Variants in KISS1 observed in about 807,000 individuals in gnomAD.
KISS1 encodes metastasis-suppressor KiSS-1.
For missense variants in KISS1, 182 were observed against 182.7 expected, an observed-to-expected ratio of 1.00 and a Z score of 0.02; for synonymous variants, 97 against 88.7, an observed-to-expected ratio of 1.09 and a Z score of -0.52.
Position 204,190,518 on chromosome 1 carries a change from G to A in KISS1, c.383C>T (p.Pro128Leu). ...GLRFGKREAAPGNHGRSAGRG is the reference protein window; with the variant it reads ...GLRFGKREAALGNHGRSAGRG ...CCCAGCGCTTCTGCCGTGGTTCCCT[G>A]GTGCCGCCTCCCGCTTGCCGAAGCG... The change falls in exon 3 of 3, where the codon CCA (proline) becomes CTA (leucine). Residue 128 changes from proline (P) to leucine (L), a missense_variant. By Grantham distance (98) the Pro-to-Leu change is moderately conservative (BLOSUM62 -3). Coordinates refer to ENST00000367194, the MANE Select transcript of KISS1 (RefSeq NM_002256.4). 6.2e-7 allele frequency: 1 copy of A among 1,607,120 alleles called. No individual in the cohort carries two copies. The highest frequency in any genetic ancestry group is 2.2e-5 in the East Asian group (1 of 44,720).
chr1:204,195,281 A>ACATG (rs1658828135), intron 1 of KISS1, among the ~76,000 whole-genome samples: 10 of 149,496 alleles, frequency 6.7e-5, no homozygotes, highest in East Asian at 2.0e-4. Flanking sequence ...CATACACCAC[A>ACATG]CACACCACAC....
chr1:204,190,409 T>TCC lies in KISS1; in HGVS notation c.*73_*74dup, dbSNP rs1553307861. 4.9e-3 allele frequency: 2,800 copies of TCC among 571,830 alleles called. 94 individuals are homozygous for TCC. Among genetic ancestry groups the TCC allele is most frequent in the African/African-American group, 0.023 (942 of 40,958 alleles). The allele number at this position is 571,830 out of a possible 1,614,324, so 35.4% of individuals were successfully genotyped here. ...CAGCGCCCCCTCCCTTAGCCCTACG[T>TCC]CCCCGCCCCCCGCCCCCGCCCCGCA... On this transcript the variant is annotated 3_prime_UTR_variant, in exon 3 of 3. Coordinates refer to ENST00000367194, the MANE Select transcript of KISS1 (RefSeq NM_002256.4).
At chr1:204,195,289 C>T (rs377443561) in intron 1 of KISS1, among the ~76,000 whole-genome samples, 4 of 74,110 alleles carry the variant, frequency 5.4e-5, no homozygotes, top group East Asian at 4.4e-4. Flanking sequence ...ACACACACCA[C>T]ACACATACAC....
At chr1:204,191,783 G>A (rs561451815) in intron 2 of KISS1, among the ~76,000 whole-genome samples, 4 of 152,348 alleles carry the variant, frequency 2.6e-5, no homozygotes, top group Non-Finnish European at 5.9e-5. Flanking sequence ...GCTGAGGTAG[G>A]AGGAGGATGG....
At position 204,190,431 on chromosome 1, in the gene KISS1, C is replaced by CCCCCCCCCCCCT; in HGVS notation, c.*52_*53insAGGGGGGGGGGG. On this transcript the variant is annotated 3_prime_UTR_variant, in exon 3 of 3. Coordinates refer to ENST00000367194, the MANE Select transcript of KISS1 (RefSeq NM_002256.4). ...ACGTCCCCGCCCCCCGCCCCCGCCC[C>CCCCCCCCCCCCT]GCATGCTCTGACTCCTTTGGGGTCT... is the stretch of plus-strand genomic sequence containing the variant. 1 of 1,130,810 alleles carries CCCCCCCCCCCCT rather than the reference C, an allele frequency of 8.8e-7. No homozygotes were observed. Among genetic ancestry groups the CCCCCCCCCCCCT allele is most frequent in the South Asian group, 1.3e-5 (1 of 76,146 alleles). The allele number at this position is 1,130,810 out of a possible 1,614,324, so 70.0% of individuals were successfully genotyped here.
Position 204,190,499 on chromosome 1 carries a change from G to C in KISS1, c.402C>G (p.Ser134Arg), listed in dbSNP as rs370191198. 1 of 1,528,506 alleles carries C rather than the reference G, an allele frequency of 6.5e-7. No homozygotes were observed. The highest frequency in any genetic ancestry group is 1.5e-5 in the African/African-American group (1 of 65,800). The allele number at this position is 1,528,506 out of a possible 1,614,324, so 94.7% of individuals were successfully genotyped here. ...REAAPGNHGR[S>R]AGRG is the part of the protein sequence containing the mutation. ...ACCTGCGCCCTCAGCCCCGCCCAGC[G>C]CTTCTGCCGTGGTTCCCTGGTGCCG... Residue 134 changes from serine (S) to arginine (R), a missense_variant, in exon 3 of 3, where the codon AGC (serine) becomes AGG (arginine). Ser to Arg is a moderately radical substitution (Grantham distance 110). Transcript: ENST00000367194.
intron 1 of KISS1, among the ~76,000 whole-genome samples, chr1:204,194,556 T>C (rs1472762015): frequency 6.6e-6 from 1 of 152,166 alleles, no homozygotes; most frequent in East Asian, 1.9e-4. Flanking sequence ...ACAGAGTTGC[T>C]GCCCCCAAGA....
chr1:204,190,408 G>GTTT lies in KISS1; in HGVS notation c.*75_*76insAAA. 3.9e-6 allele frequency: 3 copies of GTTT among 762,808 alleles called. No homozygotes were observed. Among genetic ancestry groups the GTTT allele is most frequent in the East Asian group, 3.0e-5 (1 of 33,696 alleles). 47.3% of individuals were successfully genotyped at this position (762,808 alleles called of 1,614,324 possible). A position where few individuals can be genotyped will look rare whatever the true frequency, so the allele number is the denominator to read the frequency against. Reference sequence around the variant, plus strand: ...CCAGCGCCCCCTCCCTTAGCCCTACGTCCCCGCCCCCCGCCCCCGCCCCGC... The same window carrying GTTT: ...CCAGCGCCCCCTCCCTTAGCCCTACGTTTTCCCCGCCCCCCGCCCCCGCCCCGC... On this transcript the variant is annotated 3_prime_UTR_variant, in exon 3 of 3. Coordinates refer to ENST00000367194, the MANE Select transcript of KISS1 (RefSeq NM_002256.4).
chr1:204,195,856 G>T (rs1324650378), intron 1 of KISS1, among the ~76,000 whole-genome samples: 4 of 152,152 alleles, frequency 2.6e-5, no homozygotes, highest in Non-Finnish European at 4.4e-5. Context: ...AATTTTTGTG[G>T]TTCCCTCCAC....
At position 204,195,023 on chromosome 1, in the gene KISS1, G is replaced by A. The variant is rs1658810458; in HGVS notation, c.-39+1353C>T. On this transcript the variant is annotated intron_variant, in intron 1 of 2. Transcript: ENST00000367194. ...GGAAGGAGGGCAGTGGGCTTGTGTGGTTGGAGGGTGGTACTCTTTCTTCCG... is the reference window on the plus strand; with the variant it reads ...GGAAGGAGGGCAGTGGGCTTGTGTGATTGGAGGGTGGTACTCTTTCTTCCG... 2.0e-5 allele frequency among the ~76,000 whole-genome samples: 3 copies of A among 151,894 alleles called. No individual in the cohort carries two copies. In the South Asian group the frequency reaches 6.2e-4, roughly 32 times the overall value.
At position 204,190,416 on chromosome 1, in the gene KISS1, CCCCCGCCCCCGCCCCG is replaced by C; in HGVS notation, c.*52_*67del. 6.6e-6 allele frequency: 4 copies of C among 606,598 alleles called. No individual in the cohort carries two copies. The highest frequency in any genetic ancestry group is 2.0e-5 in the African/African-American group (1 of 50,130). The allele number at this position is 606,598 out of a possible 1,614,324, so 37.6% of individuals were successfully genotyped here. A position where few individuals can be genotyped will look rare whatever the true frequency, so the allele number is the denominator to read the frequency against. ...CCCTCCCTTAGCCCTACGTCCCCGC[CCCCCGCCCCCGCCCCG>C]CATGCTCTGACTCCTTTGGGGTCTG... On this transcript the variant is annotated 3_prime_UTR_variant, in exon 3 of 3. Coordinates refer to ENST00000367194, the MANE Select transcript of KISS1 (RefSeq NM_002256.4).
chr1:204,193,309 A>G (rs1005255507), intron 1 of KISS1, among the ~76,000 whole-genome samples: 1 of 151,972 alleles, frequency 6.6e-6, no homozygotes, highest in Non-Finnish European at 1.5e-5. Flanking sequence ...CATATATAGG[A>G]GTGACTGGGG....
chr1:204,193,256 G>A (rs1658776915), intron 1 of KISS1, among the ~76,000 whole-genome samples: 1 of 152,168 alleles, frequency 6.6e-6, no homozygotes, highest in African/African-American at 2.4e-5. Context: ...CTGAATCTCA[G>A]GGTTGCTTGA....
chr1:204,190,648 C>A lies in KISS1; in HGVS notation c.253G>T (p.Gly85Cys). ...TGGCGGCTGTGGGGGGCGGACAGGC[C>A]CGGCTGCTGGGGGCTCCCGGAGCTC... Reference protein sequence around the residue: ...PESSGSPQQPGLSAPHSRQIP... With the variant: ...PESSGSPQQPCLSAPHSRQIP... The change falls in exon 3 of 3, where the codon GGC becomes TGC. Residue 85 changes from glycine (G) to cysteine (C), a missense_variant. By Grantham distance (159) the Gly-to-Cys change is radical (BLOSUM62 -3). Coordinates refer to ENST00000367194, the MANE Select transcript of KISS1 (RefSeq NM_002256.4). The A allele has an allele frequency of 1.3e-6, 2 of 1,584,368 alleles. No individual in the cohort carries two copies. The highest frequency in any genetic ancestry group is 1.7e-6 in the Non-Finnish European group (2 of 1,165,854).
chr1:204,192,989 C>T lies in KISS1; in HGVS notation c.-38-75G>A. The T allele has an allele frequency of 1.3e-6, 1 of 755,162 alleles. No individual in the cohort carries two copies. The highest frequency in any genetic ancestry group is 1.7e-5 in the African/African-American group (1 of 58,096). The allele number at this position is 755,162 out of a possible 1,614,324, so 46.8% of individuals were successfully genotyped here. ...TGGGTGCTGAGGGCAGAGCCCAGTGCAAAAGGGACAGTCCTCCAAGAGAGG... is the reference window on the plus strand; with the variant it reads ...TGGGTGCTGAGGGCAGAGCCCAGTGTAAAAGGGACAGTCCTCCAAGAGAGG... On this transcript the variant is annotated intron_variant, in intron 1 of 2. Coordinates refer to ENST00000367194, the MANE Select transcript of KISS1 (RefSeq NM_002256.4). This position sits in a 1 kb window ranked among gnomAD's most constrained non-coding sequence, Gnocchi z 4.2.
chr1:204,190,430 C>CCCCCCCCCA lies in KISS1; in HGVS notation c.*53_*54insTGGGGGGGG. 2 of 1,079,960 alleles carry CCCCCCCCCA rather than the reference C, an allele frequency of 1.9e-6. No homozygotes were observed. Among genetic ancestry groups the CCCCCCCCCA allele is most frequent in the African/African-American group, 1.6e-5 (1 of 62,106 alleles). 66.9% of individuals were successfully genotyped at this position (1,079,960 alleles called of 1,614,324 possible). ...TACGTCCCCGCCCCCCGCCCCCGCCCCGCATGCTCTGACTCCTTTGGGGTC... is the reference window on the plus strand; with the variant it reads ...TACGTCCCCGCCCCCCGCCCCCGCCCCCCCCCCCACGCATGCTCTGACTCCTTTGGGGTC... On this transcript the variant is annotated 3_prime_UTR_variant, in exon 3 of 3. Coordinates refer to ENST00000367194, the MANE Select transcript of KISS1 (RefSeq NM_002256.4).
At chr1:204,191,995 G>A (rs1432067684) in intron 2 of KISS1, among the ~76,000 whole-genome samples, 3 of 152,176 alleles carry the variant, frequency 2.0e-5, no homozygotes, top group South Asian at 2.1e-4. Flanking sequence ...AACGACACCC[G>A]GGGCCGTGTC....
chr1:204,190,610 G>A lies in KISS1; in HGVS notation c.291C>T (p.Pro97=). Reference sequence around the variant, plus strand: ...CCCGCTGCACCAGCACCGCGCCCTGGGGTGCGGGGATCTGGCGGCTGTGGG... The same window carrying A: ...CCCGCTGCACCAGCACCGCGCCCTGAGGTGCGGGGATCTGGCGGCTGTGGG... ...SAPHSRQIPA[P]QGAVLVQREK... The change falls in exon 3 of 3, where the codon CCC becomes CCT. Residue 97 remains proline, a synonymous_variant. Transcript: ENST00000367194. 6.3e-7 allele frequency: 1 copy of A among 1,591,194 alleles called. No homozygotes were observed. The highest frequency in any genetic ancestry group is 2.3e-5 in the East Asian group (1 of 43,770).
rs75136356 is a variant in KISS1 at position 204,196,170 on chromosome 1, A to C, written c.-39+206T>G. ...GGATCCCCAGAGTGTTAGCTTCACAAATAAAGTGCGACTCAGTGTATTCGC... is the reference window on the plus strand; with the variant it reads ...GGATCCCCAGAGTGTTAGCTTCACACATAAAGTGCGACTCAGTGTATTCGC... On this transcript the variant is annotated intron_variant, in intron 1 of 2. Transcript: ENST00000367194. Among the ~76,000 whole-genome samples, 268 of 152,336 alleles carry C rather than the reference A, an allele frequency of 1.8e-3. 1 individual carries two copies. The highest frequency in any genetic ancestry group is 6.0e-3 in the African/African-American group (250 of 41,566).
Sources: gnomAD v4.1 joint callset for allele counts (sites outside exome capture counted in the v4.1 genomes callset) on GRCh38, gnomAD v4.1.1 for gene constraint, Gnocchi (gnomAD v3.1) non-coding constraint, MANE v1.5 for transcripts, NCBI Gene and HGNC (gene_info 2026-07-23, HGNC 2026-07-21) for gene names.